The following TMEFF2 variants were observed in gnomAD, a reference collection of about 807,000 sequenced individuals.
TMEFF2 encodes transmembrane protein with EGF like and two follistatin like domains 2, also known as tomoregulin-2.
TMEFF2 carries 28 observed loss-of-function variants against 53.8 expected under a neutral mutation model. The ratio of observed to expected loss-of-function variants is 0.52; its 90% CI spans 0.39 to 0.71. The LOEUF (loss-of-function observed/expected upper bound fraction) is 0.71, where lower values mean the gene tolerates loss of function less well. TMEFF2 is among the 30% of genes least tolerant of loss of function. TMEFF2 has a pLI of 0.00. For missense variants in TMEFF2, 353 were observed against 455.2 expected (o/e 0.78, Z 2.04); for synonymous variants, 162 against 166.3 (o/e 0.97, Z 0.20).
intron 5 of TMEFF2, among the ~76,000 whole-genome samples, chr2:192,004,898 C>T (rs899256791): frequency 6.6e-5 from 10 of 152,196 alleles, no homozygotes; most frequent in Admixed American, 4.6e-4. Flanking sequence ...ATTTGTAAGG[C>T]TGAGGACTGC....
At chr2:192,026,441 T>G (rs1686973076) in intron 5 of TMEFF2, among the ~76,000 whole-genome samples, 1 of 152,208 alleles carries the variant, frequency 6.6e-6, no homozygotes, top group South Asian at 2.1e-4. Context: ...ATCCTTTATG[T>G]GCCCTTTCAC....
chr2:191,984,177 A>G (rs559923282), intron 7 of TMEFF2, among the ~76,000 whole-genome samples: 1 of 152,268 alleles, frequency 6.6e-6, no homozygotes, highest in South Asian at 2.1e-4. Context: ...CAGTGAAAAA[A>G]TTTTGTTAAT....
chr2:192,152,479 G>A (rs1451570404), intron 4 of TMEFF2, among the ~76,000 whole-genome samples: 2 of 151,906 alleles, frequency 1.3e-5, no homozygotes, highest in East Asian at 3.9e-4. Context: ...GAAAAAAAAG[G>A]ATTTGATGCT....
At chr2:192,034,519 C>T (rs2105876946) in intron 5 of TMEFF2, among the ~76,000 whole-genome samples, 1 of 152,228 alleles carries the variant, frequency 6.6e-6, no homozygotes, top group African/African-American at 2.4e-5. Flanking sequence ...ATTGGTAGGT[C>T]CTATATGGAA....
intron 1 of TMEFF2, among the ~76,000 whole-genome samples, chr2:192,192,431 C>T (rs1440582990): frequency 3.3e-5 from 5 of 152,184 alleles, no homozygotes; most frequent in Admixed American, 6.5e-5. Flanking sequence ...TTTGCTTCAA[C>T]GACTGAAACA....
intron 9 of TMEFF2, among the ~76,000 whole-genome samples, chr2:191,951,565 T>C (rs1410971960): frequency 6.6e-6 from 1 of 152,092 alleles, no homozygotes; most frequent in Non-Finnish European, 1.5e-5. Context: ...GTAAATCTTT[T>C]AGCAAGACCT....
intron 7 of TMEFF2, among the ~76,000 whole-genome samples, chr2:191,991,051 C>A (rs771297717): frequency 1.1e-4 from 16 of 151,910 alleles, no homozygotes; most frequent in Non-Finnish European, 1.5e-4. Flanking sequence ...ATCTCATGAT[C>A]ATATTATATT....
chr2:191,953,952 C>T (rs930541192), intron 8 of TMEFF2, 115 bp from the exon 9 acceptor site: 5 of 887,510 alleles, frequency 5.6e-6, no homozygotes, highest in Non-Finnish European at 6.2e-6. Context: ...TGCAGTGGCG[C>T]ATCTCGGCTC....
At chr2:192,062,317 G>C (rs1018647731) in intron 4 of TMEFF2, among the ~76,000 whole-genome samples, 9 of 152,114 alleles carry the variant, frequency 5.9e-5, no homozygotes, top group Admixed American at 3.3e-4. Flanking sequence ...TCAGGTAGTT[G>C]CATGTATCAA....
intron 4 of TMEFF2, among the ~76,000 whole-genome samples, chr2:192,135,977 T>C (rs1471927175): frequency 6.6e-6 from 1 of 151,644 alleles, no homozygotes; most frequent in Non-Finnish European, 1.5e-5. Context: ...CCAAATCCTA[T>C]AAAACGGCCC....
At chr2:192,099,377 C>T (rs1257710383) in intron 4 of TMEFF2, among the ~76,000 whole-genome samples, 6 of 152,076 alleles carry the variant, frequency 3.9e-5, no homozygotes, top group African/African-American at 1.4e-4. Flanking sequence ...AATCCATGAA[C>T]TAATTCTTTG....
chr2:192,168,900 T>C (rs749036381), intron 4 of TMEFF2, among the ~76,000 whole-genome samples: 1 of 152,058 alleles, frequency 6.6e-6, no homozygotes, highest in Non-Finnish European at 1.5e-5. Flanking sequence ...TAGAGTACGG[T>C]TGCTATTTAT....
At chr2:192,135,929 A>C (rs1218065123) in intron 4 of TMEFF2, among the ~76,000 whole-genome samples, 1 of 151,482 alleles carries the variant, frequency 6.6e-6, no homozygotes, top group Non-Finnish European at 1.5e-5. Context: ...TGCCCACCAG[A>C]GAACAACCCC....
At chr2:192,084,379 A>G (rs916268455) in intron 4 of TMEFF2, among the ~76,000 whole-genome samples, 1 of 152,156 alleles carries the variant, frequency 6.6e-6, no homozygotes, top group African/African-American at 2.4e-5. Context: ...AATAGTGCCA[A>G]TTCTGCTACT....
At chr2:192,176,146 T>C (rs542784459) in intron 4 of TMEFF2, among the ~76,000 whole-genome samples, 40 of 151,432 alleles carry the variant, frequency 2.6e-4, no homozygotes, top group African/African-American at 9.4e-4. Context: ...CTTCCATATA[T>C]AAGTACCTGA....
chr2:192,057,531 TC>T (rs1351998288), intron 5 of TMEFF2, 147 bp downstream of exon 5: 2 of 722,328 alleles, frequency 2.8e-6, no homozygotes, highest in Non-Finnish European at 2.3e-6. Flanking sequence ...TTCCAGAAAT[TC>T]CTTGCCCTCA....
At chr2:192,123,536 A>G (rs1200343449) in intron 4 of TMEFF2, among the ~76,000 whole-genome samples, 1 of 152,196 alleles carries the variant, frequency 6.6e-6, no homozygotes, top group East Asian at 1.9e-4. Context: ...GATGATCTAT[A>G]TTAGGAGGAT....
intron 5 of TMEFF2, among the ~76,000 whole-genome samples, chr2:192,019,577 T>G (rs1026776038): frequency 6.6e-5 from 10 of 152,186 alleles, no homozygotes; most frequent in African/African-American, 2.4e-4. Flanking sequence ...TTAGAATTGC[T>G]TCCTTCCTCT....
rs566532882 is a variant in TMEFF2 at position 191,991,788 on chromosome 2, A to T, written c.745+6474T>A. Among the ~76,000 whole-genome samples the T allele has an allele frequency of 8.5e-5, 13 of 152,264 alleles. No homozygotes were observed. The East Asian group carries it at 2.3e-3, about 27-fold the overall frequency. ...CGTTTATGAACTGGTGCATAAATACAAAGTTTTCCAGAGTGTCTACCAGGG... is the reference window on the plus strand; with the variant it reads ...CGTTTATGAACTGGTGCATAAATACTAAGTTTTCCAGAGTGTCTACCAGGG... On this transcript the variant is annotated intron_variant, in intron 7 of 9. Coordinates refer to ENST00000272771, the MANE Select transcript of TMEFF2 (RefSeq NM_016192.4).
Sources: allele counts gnomAD v4.1 joint callset (sites outside exome capture counted in the v4.1 genomes callset), GRCh38; gene constraint gnomAD v4.1.1; transcripts MANE v1.5; gene names NCBI Gene and HGNC (gene_info 2026-07-23, HGNC 2026-07-21).